RNF180: variants seen among roughly 807,000 people sequenced by gnomAD.
The protein encoded by RNF180 is E3 ubiquitin-protein ligase RNF180.
A neutral mutation model predicts 59.2 loss-of-function variants in RNF180; 38 were observed. The observed-to-expected ratio is 0.64, with a 90% confidence interval of 0.50 to 0.84. The LOEUF (loss-of-function observed/expected upper bound fraction) is 0.84. Among genes scored for constraint, RNF180 ranks in the 40% least tolerant of loss-of-function variants. The pLI, the probability that RNF180 is intolerant of heterozygous loss-of-function variation, is 0.00. For synonymous variants in RNF180, 262 were observed against 240.3 expected, an observed-to-expected ratio of 1.09 and a Z score of -0.84; for missense variants, 705 against 700.9, an observed-to-expected ratio of 1.01 and a Z score of -0.07.
intron 7 of RNF180, among the ~76,000 whole-genome samples, chr5:64,366,479 GA>G (rs1746451132): frequency 6.6e-6 from 1 of 151,482 alleles, no homozygotes; most frequent in African/African-American, 2.4e-5. Flanking sequence ...CGCTGGATTT[GA>G]ATGTTGGCCT....
At chr5:64,351,484 T>A (rs1745809250) in intron 7 of RNF180, among the ~76,000 whole-genome samples, 1 of 152,144 alleles carries the variant, frequency 6.6e-6, no homozygotes, top group Admixed American at 6.6e-5. Context: ...CTTGTGCCAG[T>A]TTTCAAAGGG....
intron 5 of RNF180, among the ~76,000 whole-genome samples, chr5:64,257,832 GA>G (rs1744075035): frequency 6.6e-6 from 1 of 152,104 alleles, no homozygotes; most frequent in Non-Finnish European, 1.5e-5. Flanking sequence ...AGAGATCAAC[GA>G]GACAGAAAGT....
At chr5:64,301,604 A>C (rs575353808) in intron 5 of RNF180, among the ~76,000 whole-genome samples, 3 of 151,880 alleles carry the variant, frequency 2.0e-5, no homozygotes, top group South Asian at 4.1e-4. Context: ...ATTATTCAGC[A>C]GTGAGTATGA....
intron 5 of RNF180, among the ~76,000 whole-genome samples, chr5:64,297,506 T>C (rs1742947123): frequency 6.6e-6 from 1 of 152,096 alleles, no homozygotes; most frequent in African/African-American, 2.4e-5. Context: ...TTAAATTTTT[T>C]CCTTTATATA....
Position 64,294,501 on chromosome 5 carries a change from C to T in RNF180, c.1228-30685C>T, listed in dbSNP as rs569559763. On this transcript the variant is annotated intron_variant, in intron 5 of 7. Transcript: ENST00000389100. ...AATGTAATTTTAAAGTTATAGCAAC[C>T]ATGTATTACTTTTTTTGTAAATGAT... 3.3e-5 allele frequency among the ~76,000 whole-genome samples: 5 copies of T among 152,124 alleles called. No homozygotes were observed. The South Asian group carries it at 6.2e-4, about 19-fold the overall frequency.
At chr5:64,251,299 A>G (rs1343947241) in intron 5 of RNF180, among the ~76,000 whole-genome samples, 1 of 152,226 alleles carries the variant, frequency 6.6e-6, no homozygotes, top group African/African-American at 2.4e-5. Flanking sequence ...CAAGAGTGCC[A>G]GTGTCACCAC....
intron 1 of RNF180, among the ~76,000 whole-genome samples, chr5:64,175,430 G>A (rs1008149204): frequency 1.3e-5 from 2 of 152,036 alleles, no homozygotes; most frequent in African/African-American, 2.4e-5. Context: ...TCAGTTGGTT[G>A]TAAGTGTGTG....
chr5:64,229,244 A>T lies in RNF180; in HGVS notation c.1227+11848A>T, dbSNP rs139675790. Among the ~76,000 whole-genome samples, 777 of 152,278 alleles carry T rather than the reference A, an allele frequency of 5.1e-3. 7 individuals are homozygous for T. The highest frequency in any genetic ancestry group is 0.018 in the African/African-American group (744 of 41,554). ...CTGGCCTAAAACTTTCTACTAAAAA[A>T]TAATTACATATCTGTGCTGTCCTGA... On this transcript the variant is annotated intron_variant, in intron 5 of 7. Coordinates refer to ENST00000389100, the MANE Select transcript of RNF180 (RefSeq NM_001113561.2).
At chr5:64,236,980 C>G (rs1452579290) in intron 5 of RNF180, among the ~76,000 whole-genome samples, 5 of 152,166 alleles carry the variant, frequency 3.3e-5, no homozygotes, top group Non-Finnish European at 7.3e-5. Flanking sequence ...AGGAACATAG[C>G]CCCCATGGAG....
In RNF180 at chr5:64,371,024, G is replaced by A. The variant is rs1746642998; in HGVS notation, c.*1210G>A. 2.0e-5 allele frequency: 3 copies of A among 151,612 alleles called. No individual in the cohort carries two copies. The highest frequency in any genetic ancestry group is 7.3e-5 in the African/African-American group (3 of 41,368). 9.4% of individuals were successfully genotyped at this position (151,612 alleles called of 1,614,324 possible). On this transcript the variant is annotated 3_prime_UTR_variant, in exon 8 of 8. Transcript: ENST00000389100. ...CATTGGGATCAACTGGGCTTTAACA[G>A]TTTCAATCTATGAAAAGCCAAAATT...
chr5:64,320,572 G>T (rs1377369526), intron 5 of RNF180, among the ~76,000 whole-genome samples: 1 of 152,154 alleles, frequency 6.6e-6, no homozygotes, highest in African/African-American at 2.4e-5. Flanking sequence ...TGCAGAAAAA[G>T]ACCTACACAA....
chr5:64,323,593 T>C (rs1176577157), intron 5 of RNF180, among the ~76,000 whole-genome samples: 1 of 152,136 alleles, frequency 6.6e-6, no homozygotes, highest in Non-Finnish European at 1.5e-5. Flanking sequence ...TAGTATGTTT[T>C]ATATTATAAG....
intron 5 of RNF180, among the ~76,000 whole-genome samples, chr5:64,314,798 C>A (rs1022613227): frequency 6.6e-6 from 1 of 152,054 alleles, no homozygotes. Context: ...AGTCTATTGC[C>A]ACTTGTTTTA....
intron 7 of RNF180, among the ~76,000 whole-genome samples, chr5:64,366,224 G>C (rs1746442656): frequency 6.6e-6 from 1 of 151,538 alleles, no homozygotes; most frequent in East Asian, 2.0e-4. Context: ...CTTTGCTTAT[G>C]AAGTTTAGTT....
chr5:64,236,976 A>G (rs1246474004), intron 5 of RNF180, among the ~76,000 whole-genome samples: 2 of 152,194 alleles, frequency 1.3e-5, no homozygotes, highest in South Asian at 2.1e-4. Flanking sequence ...CTGCAGGAAC[A>G]TAGCCCCCAT....
At position 64,213,608 on chromosome 5, in the gene RNF180, A is replaced by T. The variant is rs1401180746; in HGVS notation, c.282A>T (p.Leu94Phe). 1 of 1,613,926 alleles carries T rather than the reference A, an allele frequency of 6.2e-7. No individual in the cohort carries two copies. Among genetic ancestry groups the T allele is most frequent in the African/African-American group, 1.3e-5 (1 of 74,904 alleles). The stretch of plus-strand genomic sequence containing the variant: ...ATTGTCCTTTCTGTGGGGCCCGTTT[A>T]GGGGGCTTTAATTTTGTCAGCACTC... ...KLNCPFCGAR[L>F]GGFNFVSTPK... Residue 94 changes from leucine to phenylalanine, a missense_variant, in exon 4 of 8, where the codon TTA (leucine) becomes TTT (phenylalanine). Leu to Phe is a conservative substitution (Grantham distance 22). Transcript: ENST00000389100.
chr5:64,327,495 G>T (rs909127941), intron 6 of RNF180, among the ~76,000 whole-genome samples: 2 of 151,866 alleles, frequency 1.3e-5, no homozygotes, highest in Non-Finnish European at 2.9e-5. Flanking sequence ...ATTTTCACTT[G>T]TTTCACATAC....
At chr5:64,220,150 G>C (rs1752836875) in intron 5 of RNF180, among the ~76,000 whole-genome samples, 1 of 151,660 alleles carries the variant, frequency 6.6e-6, no homozygotes, top group African/African-American at 2.4e-5. Flanking sequence ...TAAGTTTATT[G>C]ATATTTTTAA....
chr5:64,364,015 A>C (rs1008958835), intron 7 of RNF180, among the ~76,000 whole-genome samples: 29 of 151,820 alleles, frequency 1.9e-4, no homozygotes, highest in African/African-American at 7.0e-4. Context: ...TAGATATAGA[A>C]TCATGTTGTC....
Sources: allele counts gnomAD v4.1 joint callset (sites outside exome capture counted in the v4.1 genomes callset), GRCh38; gene constraint gnomAD v4.1.1; transcripts MANE v1.5; gene names NCBI Gene and HGNC (gene_info 2026-07-23, HGNC 2026-07-21).